The following RPS6KC1 variants were observed in gnomAD, a reference collection of about 807,000 sequenced individuals.
RPS6KC1 encodes the protein ribosomal protein S6 kinase C1.
A neutral mutation model predicts 103.8 loss-of-function variants in RPS6KC1; 54 were observed. That is an observed-to-expected ratio of 0.52 (90% confidence interval 0.42 to 0.65). The LOEUF (loss-of-function observed/expected upper bound fraction) is 0.65, where lower values mean the gene tolerates loss of function less well. Ranked by LOEUF, RPS6KC1 falls within the 30% of genes least tolerant of loss-of-function variation. The pLI is 0.00. For synonymous variants in RPS6KC1, 439 were observed against 438.7 expected (o/e 1.00, Z -0.01); for missense variants, 1,151 against 1,253.8 (o/e 0.92, Z 1.24).
intron 8 of RPS6KC1, among the ~76,000 whole-genome samples, chr1:213,230,113 A>G (rs1043357916): frequency 6.6e-6 from 1 of 152,236 alleles, no homozygotes; most frequent in African/African-American, 2.4e-5. Context: ...GCAAGTTGCT[A>G]CATAGGAGAT....
the RPS6KC1 span, among the ~76,000 whole-genome samples, chr1:213,449,409 G>A: frequency 6.6e-6 from 1 of 152,104 alleles, no homozygotes; most frequent in Non-Finnish European, 1.5e-5. Flanking sequence ...GCAGGCTTGG[G>A]TTCCCCCGAG....
At chr1:213,397,454 A>C in the RPS6KC1 span, among the ~76,000 whole-genome samples, 1 of 152,036 alleles carries the variant, frequency 6.6e-6, no homozygotes, top group East Asian at 1.9e-4. Flanking sequence ...TGTAGAAGAA[A>C]GTGTTGGTTC....
At chr1:213,154,198 A>G (rs1294165945) in intron 6 of RPS6KC1, among the ~76,000 whole-genome samples, 1 of 152,228 alleles carries the variant, frequency 6.6e-6, no homozygotes, top group Non-Finnish European at 1.5e-5. Flanking sequence ...GCTCTGCATC[A>G]GACCTGAAGC....
intron 3 of RPS6KC1, among the ~76,000 whole-genome samples, chr1:213,087,453 C>T (rs1179586122): frequency 6.6e-6 from 1 of 152,122 alleles, no homozygotes; most frequent in Non-Finnish European, 1.5e-5. Context: ...GCCAGTTATC[C>T]CTTTATTGCT....
At chr1:213,785,385 T>C in the RPS6KC1 span, among the ~76,000 whole-genome samples, 1 of 151,830 alleles carries the variant, frequency 6.6e-6, no homozygotes, top group African/African-American at 2.4e-5. Context: ...GATCTGTTCT[T>C]GAAACACTGG....
At chr1:213,304,495 T>C in the RPS6KC1 span, among the ~76,000 whole-genome samples, 3 of 152,094 alleles carry the variant, frequency 2.0e-5, no homozygotes, top group Non-Finnish European at 4.4e-5. Context: ...ATATTATGTA[T>C]TATTATACAA....
At chr1:213,071,836 T>G (rs977626749) in intron 2 of RPS6KC1, among the ~76,000 whole-genome samples, 12 of 152,324 alleles carry the variant, frequency 7.9e-5, no homozygotes, top group African/African-American at 2.6e-4. Flanking sequence ...AGTTAGTAAG[T>G]TCTTTTGCAG....
chr1:213,500,398 C>T, the RPS6KC1 span, among the ~76,000 whole-genome samples: 1 of 152,044 alleles, frequency 6.6e-6, no homozygotes, highest in East Asian at 1.9e-4. Context: ...GGAATACCTT[C>T]CCAAGGACCT....
the RPS6KC1 span, among the ~76,000 whole-genome samples, chr1:213,347,653 A>G: frequency 6.6e-6 from 1 of 152,194 alleles, no homozygotes; most frequent in African/African-American, 2.4e-5. Flanking sequence ...ACAGTGAGCT[A>G]TGATCACAGC....
At chr1:213,767,929 T>G in the RPS6KC1 span, among the ~76,000 whole-genome samples, 1 of 152,154 alleles carries the variant, frequency 6.6e-6, no homozygotes, top group South Asian at 2.1e-4. Context: ...GCCGCAAGCA[T>G]TCACAGGTCA....
At chr1:213,545,275 G>A in the RPS6KC1 span, among the ~76,000 whole-genome samples, 9 of 151,924 alleles carry the variant, frequency 5.9e-5, no homozygotes, top group Admixed American at 2.0e-4. Context: ...GGAGGCTGAG[G>A]CAGGAGAATC....
chr1:213,138,601 A>G (rs2086652407), intron 6 of RPS6KC1, among the ~76,000 whole-genome samples: 1 of 152,242 alleles, frequency 6.6e-6, no homozygotes, highest in African/African-American at 2.4e-5. Context: ...AAGTGAGAAC[A>G]TGCAGTGTTT....
chr1:213,345,382 G>A, the RPS6KC1 span, among the ~76,000 whole-genome samples: 1 of 152,174 alleles, frequency 6.6e-6, no homozygotes, highest in Non-Finnish European at 1.5e-5. Flanking sequence ...CTTCCTTTGA[G>A]TCTGTCTTTA....
At chr1:213,713,748 T>G in the RPS6KC1 span, among the ~76,000 whole-genome samples, 1 of 152,236 alleles carries the variant, frequency 6.6e-6, no homozygotes, top group Admixed American at 6.5e-5. Context: ...CAGCCTCCTC[T>G]GCATCTCTGA....
intron 3 of RPS6KC1, 93 bp from the exon 4 acceptor site, chr1:213,104,361 G>A (rs1157996720): frequency 1.4e-6 from 1 of 734,974 alleles, no homozygotes; most frequent in Non-Finnish European, 2.3e-6. Flanking sequence ...TAAGTGATAG[G>A]CCTGCTGCTG....
At chr1:213,645,195 G>A in the RPS6KC1 span, among the ~76,000 whole-genome samples, 1 of 152,058 alleles carries the variant, frequency 6.6e-6, no homozygotes, top group African/African-American at 2.4e-5. Flanking sequence ...TGAAGATGAC[G>A]GAGCAGAAAG....
At chr1:213,854,763 C>T in the RPS6KC1 span, among the ~76,000 whole-genome samples, 14 of 152,248 alleles carry the variant, frequency 9.2e-5, no homozygotes, top group African/African-American at 2.6e-4. Context: ...TCCTCTGCAT[C>T]GTACAGAAAT....
At chr1:213,742,210 C>T in the RPS6KC1 span, among the ~76,000 whole-genome samples, 1 of 152,194 alleles carries the variant, frequency 6.6e-6, no homozygotes, top group African/African-American at 2.4e-5. Context: ...TTACCCTGCA[C>T]AGCTCAACAG....
At chr1:213,173,077 A>G (rs2091603311) in intron 7 of RPS6KC1, among the ~76,000 whole-genome samples, 1 of 152,120 alleles carries the variant, frequency 6.6e-6, no homozygotes, top group African/African-American at 2.4e-5. Context: ...CAGTTTTCTC[A>G]TCTAAAAAAA....
Sources: allele counts gnomAD v4.1 joint callset (sites outside exome capture counted in the v4.1 genomes callset), GRCh38; gene constraint gnomAD v4.1.1; transcripts MANE v1.5; gene names NCBI Gene and HGNC (gene_info 2026-07-23, HGNC 2026-07-21).